TJP2: variants seen among roughly 807,000 people sequenced by gnomAD.
TJP2 encodes the protein tight junction protein 2, also known as Friedreich ataxia region gene X104 (tight junction protein ZO-2).
A neutral mutation model predicts 133.1 loss-of-function variants in TJP2; 91 were observed. The observed-to-expected ratio is 0.68, with a 90% CI of 0.58 to 0.81. The LOEUF is 0.81. TJP2 is among the 40% of genes least tolerant of loss of function. The pLI is 0.00. For missense variants in TJP2, 1,541 were observed against 1,565.6 expected, an observed-to-expected ratio of 0.98 and a Z score of 0.26; for synonymous variants, 592 against 583.4, an observed-to-expected ratio of 1.01 and a Z score of -0.21.
intron 1 of TJP2, among the ~76,000 whole-genome samples, chr9:69,179,465 G>A (rs7469887): frequency 0.19 from 28,239 of 151,500 alleles, 2,726 homozygotes; most frequent in Middle Eastern, 0.24. Context: ...TGGGGGTGCA[G>A]TAACAGCGGT....
chr9:69,202,992 T>C (rs1038024745), intron 1 of TJP2, among the ~76,000 whole-genome samples: 1 of 152,224 alleles, frequency 6.6e-6, no homozygotes, highest in African/African-American at 2.4e-5. Flanking sequence ...TGTAGAAGAA[T>C]CTGGAATTCT....
chr9:69,233,146 A>G (rs1441910910), intron 11 of TJP2, among the ~76,000 whole-genome samples: 2 of 152,240 alleles, frequency 1.3e-5, no homozygotes, highest in African/African-American at 4.8e-5. Flanking sequence ...TACCTTAAAT[A>G]CTAAATACTG....
Position 69,225,386 on chromosome 9 carries a change from C to T in TJP2, c.1035C>T (p.His345=), listed in dbSNP as rs144213955. ...TGLATKDGNL[H]EGDIILKING... ...TGGCAACTAAAGATGGCAACCTTCA[C>T]GAAGGAGACATAATTCTCAAGGTGG... The change falls in exon 6 of 23, where the codon CAC becomes CAT. Residue 345 remains histidine, a synonymous_variant. Transcript: ENST00000377245. The T allele has an allele frequency of 1.9e-5, 30 of 1,613,112 alleles. No homozygotes were observed. Among genetic ancestry groups the T allele is most frequent in the African/African-American group, 1.1e-4 (8 of 74,858 alleles).
Position 69,240,136 on chromosome 9 carries a change from A to G in TJP2, c.2555A>G (p.His852Arg). 2 of 1,613,758 alleles carry G rather than the reference A, an allele frequency of 1.2e-6. No individual in the cohort carries two copies. Among genetic ancestry groups the G allele is most frequent in the African/African-American group, 1.3e-5 (1 of 75,050 alleles). Residue 852 changes from histidine (H) to arginine (R), a missense_variant, in exon 17 of 23, where the codon CAC becomes CGC. By Grantham distance (29) the His-to-Arg change is conservative. Transcript: ENST00000377245. Reference sequence around the variant, plus strand: ...AACAAGCTTAAAAAAACGTGTGCACACCTTTTTACAGGTAAGTGAAATGTA... The same window carrying G: ...AACAAGCTTAAAAAAACGTGTGCACGCCTTTTTACAGGTAAGTGAAATGTA... ...QANKLKKTCAHLFTATINLNS... is the reference protein window; with the variant it reads ...QANKLKKTCARLFTATINLNS...
At chr9:69,191,582 C>T (rs1282233990) in intron 1 of TJP2, among the ~76,000 whole-genome samples, 3 of 152,182 alleles carry the variant, frequency 2.0e-5, no homozygotes, top group African/African-American at 7.2e-5. Context: ...GTCACTGTTA[C>T]TCCAGGTCCG....
At chr9:69,179,612 C>CTG (rs1459555772) in intron 1 of TJP2, among the ~76,000 whole-genome samples, 1 of 151,752 alleles carries the variant, frequency 6.6e-6, no homozygotes, top group Non-Finnish European at 1.5e-5. Context: ...GGGTTCACGC[C>CTG]ATTCAGCCTC....
intron 2 of TJP2, among the ~76,000 whole-genome samples, chr9:69,168,451 AC>A (rs1824477240): frequency 6.6e-6 from 1 of 151,892 alleles, no homozygotes; most frequent in South Asian, 2.1e-4. Flanking sequence ...CAAGTTAATT[AC>A]CCCCACCCTC....
chr9:69,236,625 G>A lies in TJP2; in HGVS notation c.1992-324G>A, dbSNP rs146089524. Reference sequence around the variant, plus strand: ...GCACCCCAGTGAACACTTGGTGTTTGGCTGACAGTGCAGGAACCTAGAAAA... The same window carrying A: ...GCACCCCAGTGAACACTTGGTGTTTAGCTGACAGTGCAGGAACCTAGAAAA... On this transcript the variant is annotated intron_variant, in intron 13 of 22. Coordinates refer to ENST00000377245, the MANE Select transcript of TJP2 (RefSeq NM_004817.4). Among the ~76,000 whole-genome samples, 117 of 152,258 alleles carry A rather than the reference G, an allele frequency of 7.7e-4. 1 individual carries two copies. The highest frequency in any genetic ancestry group is 2.6e-3 in the African/African-American group (108 of 41,552).
Position 69,226,190 on chromosome 9 carries a change from G to A in TJP2, c.1210+15G>A. The stretch of plus-strand genomic sequence containing the variant: ...AGAAATAGAAGGTAAAGGAAGAGGA[G>A]GCTGTGAGCTTAGCTGGAAGTAAGG... On this transcript the variant is annotated intron_variant, in intron 7 of 22. Transcript: ENST00000377245. 7 of 1,613,744 alleles carry A rather than the reference G, an allele frequency of 4.3e-6. No individual in the cohort carries two copies. Among genetic ancestry groups the A allele is most frequent in the Admixed American group, 3.3e-5 (2 of 59,988 alleles).
In TJP2 at chr9:69,248,090, A is replaced by T; in HGVS notation, c.2746A>T (p.Ser916Cys). Reference protein sequence around the residue: ...AMGADYLSCDSRLISDFEDTD... With the variant: ...AMGADYLSCDCRLISDFEDTD... ...GGGCGCGGACTATCTGAGTTGCGACAGCCGCCTCATCAGTGACTTTGAAGA... is the reference window on the plus strand; with the variant it reads ...GGGCGCGGACTATCTGAGTTGCGACTGCCGCCTCATCAGTGACTTTGAAGA... The change falls in exon 19 of 23, where the codon AGC becomes TGC. Residue 916 changes from serine to cysteine, a missense_variant. Transcript: ENST00000377245. 6.2e-7 allele frequency: 1 copy of T among 1,614,212 alleles called. No individual in the cohort carries two copies. The highest frequency in any genetic ancestry group is 1.1e-5 in the South Asian group (1 of 91,088).
intron 9 of TJP2, among the ~76,000 whole-genome samples, chr9:69,228,715 C>T (rs1013254081): frequency 5.3e-5 from 8 of 152,046 alleles, no homozygotes; most frequent in South Asian, 2.1e-4. Flanking sequence ...TCTCTTTTGA[C>T]GTTGACAAAA....
At chr9:69,123,002 A>AT (rs1822215330) in intron 1 of TJP2, among the ~76,000 whole-genome samples, 1 of 152,102 alleles carries the variant, frequency 6.6e-6, no homozygotes, top group Admixed American at 6.6e-5. Context: ...TCACGGGTGC[A>AT]TTACCTGTCG....
intron 1 of TJP2, among the ~76,000 whole-genome samples, chr9:69,183,922 A>G (rs1045910008): frequency 6.6e-6 from 1 of 152,000 alleles, no homozygotes; most frequent in African/African-American, 2.4e-5. Context: ...TTTAGTAGAG[A>G]CAGGTTTCTC....
At chr9:69,142,055 C>T (rs1823040773) in intron 1 of TJP2, among the ~76,000 whole-genome samples, 1 of 152,128 alleles carries the variant, frequency 6.6e-6, no homozygotes, top group Admixed American at 6.5e-5. Context: ...GTTGGTATGA[C>T]TGGGGACACA....
intron 2 of TJP2, chr9:69,151,859 T>C (rs1823492945): frequency 8.4e-7 from 1 of 1,194,192 alleles, no homozygotes; most frequent in Non-Finnish European, 1.0e-6. Flanking sequence ...ATTCTAGAGG[T>C]AGTCAGAGTT....
At chr9:69,198,068 G>T (rs1826713941) in intron 1 of TJP2, among the ~76,000 whole-genome samples, 1 of 151,880 alleles carries the variant, frequency 6.6e-6, no homozygotes, top group African/African-American at 2.4e-5. Flanking sequence ...TAAATTTATT[G>T]CTGTTTGCAT....
chr9:69,246,290 T>A (rs17062954), intron 17 of TJP2: 21,428 of 252,610 alleles, frequency 0.085, 1,103 homozygotes, highest in African/African-American at 0.15. Flanking sequence ...TTTAGTATTT[T>A]ATTGGAGGTA....
At position 69,212,795 on chromosome 9, in the gene TJP2, C is replaced by T. The variant is rs111677493; in HGVS notation, c.114+194C>T. 9.7e-3 allele frequency among the ~76,000 whole-genome samples: 1,480 copies of T among 152,048 alleles called. 19 individuals carry two copies. The highest frequency in any genetic ancestry group is 0.029 in the African/African-American group (1,208 of 41,446). The stretch of plus-strand genomic sequence containing the variant: ...TGCTATTGTATTTTTTGATTAAGGA[C>T]TGTTTAGTATGGAACATTTTAGAGG... On this transcript the variant is annotated intron_variant, in intron 2 of 22. Coordinates refer to ENST00000377245, the MANE Select transcript of TJP2 (RefSeq NM_004817.4).
intron 1 of TJP2, among the ~76,000 whole-genome samples, chr9:69,199,038 A>C (rs1334526983): frequency 6.6e-6 from 1 of 152,228 alleles, no homozygotes; most frequent in Non-Finnish European, 1.5e-5. Context: ...GCTGTTTCAA[A>C]GTTTTGTCCA....
Sources: allele counts gnomAD v4.1 joint callset (sites outside exome capture counted in the v4.1 genomes callset), GRCh38; gene constraint gnomAD v4.1.1; transcripts MANE v1.5; gene names NCBI Gene and HGNC (gene_info 2026-07-23, HGNC 2026-07-21).